The following PHAF1 variants were observed in gnomAD, a reference collection of about 807,000 sequenced individuals.
PHAF1 encodes phagosome assembly factor 1.
Under a neutral mutation model 63.1 loss-of-function variants are expected in PHAF1, and 23 were observed. The ratio of observed to expected loss-of-function variants is 0.36; its 90% CI spans 0.26 to 0.52. The LOEUF is 0.52. PHAF1 is among the 20% of genes least tolerant of loss of function. PHAF1 has a pLI of 0.93. For synonymous variants in PHAF1, 167 were observed against 185.0 expected (o/e 0.90, Z 0.79); for missense variants, 427 against 517.2 (o/e 0.83, Z 1.69).
intron 11 of PHAF1, 63 bp downstream of exon 11, chr16:67,144,439 A>G (rs1344466818): frequency 6.4e-6 from 8 of 1,257,944 alleles, no homozygotes; most frequent in Admixed American, 1.8e-5. Flanking sequence ...ACCCCAGGAA[A>G]GAGCTTTTGG....
chr16:67,119,686 A>ATTTT (rs776583499), intron 1 of PHAF1, among the ~76,000 whole-genome samples: 6 of 132,338 alleles, frequency 4.5e-5, no homozygotes, highest in African/African-American at 1.1e-4. Context: ...CGCCTGGCTA[A>ATTTT]TTTTTTTTTT....
intron 8 of PHAF1, among the ~76,000 whole-genome samples, chr16:67,137,125 A>C (rs1963638550): frequency 6.6e-6 from 1 of 151,876 alleles, no homozygotes; most frequent in Non-Finnish European, 1.5e-5. Flanking sequence ...ACCGCGCTCC[A>C]GCCTGAGCGA....
intron 2 of PHAF1, among the ~76,000 whole-genome samples, chr16:67,121,228 C>T (rs1207886504): frequency 3.5e-5 from 5 of 142,800 alleles, no homozygotes; most frequent in African/African-American, 1.3e-4. Context: ...CTCGCTCTGT[C>T]GCCTAGGCTA....
At chr16:67,127,983 G>GGAGTTCGAGAC (rs1963254164) in intron 3 of PHAF1, among the ~76,000 whole-genome samples, 2 of 152,306 alleles carry the variant, frequency 1.3e-5, no homozygotes, top group African/African-American at 4.8e-5. Context: ...GGGATGTCCA[G>GGAGTTCGAGAC]CAGCCCATAA....
intron 4 of PHAF1, 72 bp from the exon 5 acceptor site, chr16:67,132,374 C>T: frequency 7.7e-7 from 1 of 1,303,940 alleles, no homozygotes; most frequent in Non-Finnish European, 1.1e-6. Context: ...ATAACTCTCC[C>T]AGCTACTATC....
At chr16:67,112,481 G>A (rs1962557925) in intron 1 of PHAF1, among the ~76,000 whole-genome samples, 1 of 151,680 alleles carries the variant, frequency 6.6e-6, no homozygotes, top group Non-Finnish European at 1.5e-5. Flanking sequence ...GGCTGCCGTG[G>A]GTCATGATCA....
At position 67,140,051 on chromosome 16, in the gene PHAF1, T is replaced by C. The variant is rs761136494; in HGVS notation, c.729T>C (p.Asp243=). The part of the protein sequence containing the change: ...RVFERSVYFG[D]SCQDVLSMLG... The stretch of plus-strand genomic sequence containing the variant: ...TTGAACGTTCAGTGTATTTTGGTGA[T>C]TCCTGCCAAGATGTTCTTAGCATGC... Residue 243 remains aspartate, a synonymous_variant, in exon 9 of 16, where the codon GAT becomes GAC. Transcript: ENST00000219139. 9.5e-5 allele frequency: 153 copies of C among 1,614,008 alleles called. No homozygotes were observed. The highest frequency in any genetic ancestry group is 1.2e-4 in the Non-Finnish European group (144 of 1,180,018).
chr16:67,126,993 A>G (rs568779364), intron 3 of PHAF1, among the ~76,000 whole-genome samples: 4 of 150,720 alleles, frequency 2.7e-5, no homozygotes, highest in African/African-American at 7.3e-5. Flanking sequence ...GGTTTAAGCA[A>G]TTCTCCTGCC....
At chr16:67,130,142 G>A (rs1963334274) in intron 3 of PHAF1, among the ~76,000 whole-genome samples, 1 of 151,920 alleles carries the variant, frequency 6.6e-6, no homozygotes, top group Non-Finnish European at 1.5e-5. Context: ...TGCCTCCCGG[G>A]TTCACGCCAT....
chr16:67,132,618 T>A, intron 5 of PHAF1, 93 bp downstream of exon 5: 1 of 1,393,302 alleles, frequency 7.2e-7, no homozygotes, highest in Non-Finnish European at 1.0e-6. Flanking sequence ...CTTCCTGGAG[T>A]CAGGCTCCCA....
At chr16:67,132,278 A>AC in intron 4 of PHAF1, 168 bp from the exon 5 acceptor site, 1 of 618,884 alleles carries the variant, frequency 1.6e-6, no homozygotes, top group Non-Finnish European at 2.8e-6. Flanking sequence ...CCTTCTCCTG[A>AC]CCTCATTAAT....
intron 1 of PHAF1, among the ~76,000 whole-genome samples, chr16:67,116,740 C>T (rs1223500026): frequency 6.6e-6 from 1 of 152,102 alleles, no homozygotes; most frequent in African/African-American, 2.4e-5. Flanking sequence ...GTCCCAGCTA[C>T]TCAGGAGACT....
At chr16:67,124,455 C>A (rs1963103535) in intron 2 of PHAF1, among the ~76,000 whole-genome samples, 2 of 152,178 alleles carry the variant, frequency 1.3e-5, no homozygotes, top group South Asian at 4.1e-4. Context: ...TGCCCTAATC[C>A]CAAAAGACTC....
chr16:67,113,299 T>C (rs924048484), intron 1 of PHAF1, among the ~76,000 whole-genome samples: 4 of 152,168 alleles, frequency 2.6e-5, no homozygotes, highest in African/African-American at 7.2e-5. Context: ...GGTTGTATAA[T>C]GTTGGATGAT....
At chr16:67,144,729 G>A (rs930782380) in intron 11 of PHAF1, 105 bp from the exon 12 acceptor site, 7 of 1,297,518 alleles carry the variant, frequency 5.4e-6, no homozygotes, top group African/African-American at 2.9e-5. Flanking sequence ...CCAGGGCTTT[G>A]GGCAGGTGTG....
chr16:67,146,925 G>T, intron 15 of PHAF1, 120 bp from the exon 16 acceptor site: 7 of 885,674 alleles, frequency 7.9e-6, no homozygotes, highest in Non-Finnish European at 1.3e-5. Flanking sequence ...GGAGGTTGAG[G>T]AGTCGGGAAA....
At position 67,110,079 on chromosome 16, in the gene PHAF1, C is replaced by T; in HGVS notation, c.-97C>T. The T allele has an allele frequency of 7.5e-7, 1 of 1,328,348 alleles. No individual in the cohort carries two copies. The highest frequency in any genetic ancestry group is 1.4e-5 in the South Asian group (1 of 70,268). 82.3% of individuals were successfully genotyped at this position (1,328,348 alleles called of 1,614,324 possible). On this transcript the variant is annotated 5_prime_UTR_variant, in exon 1 of 16. Transcript: ENST00000219139. ...GGTGGAAAGCGGGGCTGTGGCGGGCCGGCGGGGGCGGCCTGTCAGCCGCTG... is the reference window on the plus strand; with the variant it reads ...GGTGGAAAGCGGGGCTGTGGCGGGCTGGCGGGGGCGGCCTGTCAGCCGCTG...
chr16:67,116,216 G>A (rs1317847879), intron 1 of PHAF1, among the ~76,000 whole-genome samples: 2 of 152,126 alleles, frequency 1.3e-5, no homozygotes, highest in Non-Finnish European at 2.9e-5. Flanking sequence ...TCCCTACTGT[G>A]GGCCAGGTTT....
At chr16:67,146,219 C>T (rs1357481839) in intron 14 of PHAF1, 59 bp from the exon 15 acceptor site, 1 of 1,477,042 alleles carries the variant, frequency 6.8e-7, no homozygotes, top group Non-Finnish European at 9.5e-7. Context: ...AGACTGGATC[C>T]CTTGCTTTAA....
Sources: gnomAD v4.1 joint callset for allele counts (sites outside exome capture counted in the v4.1 genomes callset) on GRCh38, gnomAD v4.1.1 for gene constraint, MANE v1.5 for transcripts, NCBI Gene and HGNC (gene_info 2026-07-23, HGNC 2026-07-21) for gene names.